NTSR1: variants seen among roughly 807,000 people sequenced by gnomAD.
NTSR1 encodes the protein neurotensin receptor type 1.
A neutral mutation model predicts 31.2 loss-of-function variants in NTSR1; 29 were observed. The ratio of observed to expected loss-of-function variants is 0.93; its 90% CI spans 0.69 to 1.27. The LOEUF is 1.27. NTSR1 is among the 50% of genes most tolerant of loss of function. The pLI is 0.00. For synonymous variants in NTSR1, 282 were observed against 269.9 expected (o/e 1.04, Z -0.44); for missense variants, 697 against 595.4 (o/e 1.17, Z -1.78).
rs531283415 is a variant in NTSR1, at chr20:62,745,284, G to C, written c.715-9401G>C. ...AGACATGGAGAGAGACACAGAGACA[G>C]AGAAACAGACACATAGAGGAAAACA... On this transcript the variant is annotated intron_variant, in intron 1 of 3. Coordinates refer to ENST00000370501, the MANE Select transcript of NTSR1 (RefSeq NM_002531.3). This position sits in a 1 kb window ranked among gnomAD's most constrained non-coding sequence, Gnocchi z 4.1. Among the ~76,000 whole-genome samples the C allele has an allele frequency of 1.3e-5, 2 of 152,104 alleles. No homozygotes were observed. Among genetic ancestry groups the C allele is most frequent in the Non-Finnish European group, 2.9e-5 (2 of 67,976 alleles).
At chr20:62,753,736 A>T (rs1336636290) in intron 1 of NTSR1, among the ~76,000 whole-genome samples, 1 of 152,228 alleles carries the variant, frequency 6.6e-6, no homozygotes, top group Non-Finnish European at 1.5e-5. Context: ...CTGTTATTCC[A>T]CTGCCCCAGG....
chr20:62,748,676 C>T (rs993863463), intron 1 of NTSR1, among the ~76,000 whole-genome samples: 1 of 152,144 alleles, frequency 6.6e-6, no homozygotes, highest in Non-Finnish European at 1.5e-5. Flanking sequence ...CCCTCCAAAT[C>T]TTATTAAAAC....
chr20:62,754,529 G>A (rs535266777), intron 1 of NTSR1, among the ~76,000 whole-genome samples, 156 bp from the exon 2 acceptor site: 4 of 152,070 alleles, frequency 2.6e-5, no homozygotes, highest in Admixed American at 1.3e-4. Context: ...CATGTCTTCC[G>A]GGCAGCCGGG....
intron 1 of NTSR1, among the ~76,000 whole-genome samples, chr20:62,753,419 G>A (rs1426181218): frequency 6.6e-6 from 1 of 152,220 alleles, no homozygotes; most frequent in Non-Finnish European, 1.5e-5. Context: ...AGGAGGTTGG[G>A]AGGGAGGTGG....
At chr20:62,730,463 A>G (rs1988984124) in intron 1 of NTSR1, among the ~76,000 whole-genome samples, 1 of 152,116 alleles carries the variant, frequency 6.6e-6, no homozygotes, top group Non-Finnish European at 1.5e-5. Context: ...ATATTCCATT[A>G]TCTGGATGTC....
At chr20:62,713,244 T>G (rs531409198) in intron 1 of NTSR1, among the ~76,000 whole-genome samples, 2 of 152,308 alleles carry the variant, frequency 1.3e-5, no homozygotes, top group African/African-American at 4.8e-5. Flanking sequence ...CTGAAAGCCT[T>G]CTTCATATTG....
chr20:62,719,234 G>A, intron 1 of NTSR1, among the ~76,000 whole-genome samples: 1 of 151,896 alleles, frequency 6.6e-6, no homozygotes. Flanking sequence ...TCTTCATCGT[G>A]AATGAATGTT....
intron 1 of NTSR1, among the ~76,000 whole-genome samples, chr20:62,750,966 C>T (rs1390409365): frequency 6.6e-6 from 1 of 152,200 alleles, no homozygotes; most frequent in Non-Finnish European, 1.5e-5. Context: ...GCCTCAAACT[C>T]CTGGGCTCAA....
rs1989641584 is a variant in NTSR1 at position 62,762,422 on chromosome 20, T to G, written c.*2155T>G. 2.0e-5 allele frequency: 3 copies of G among 150,066 alleles called. No homozygotes were observed. The highest frequency in any genetic ancestry group is 6.7e-5 in the Admixed American group (1 of 14,878). 9.3% of individuals were successfully genotyped at this position (150,066 alleles called of 1,614,324 possible). On this transcript the variant is annotated 3_prime_UTR_variant, in exon 4 of 4. Transcript: ENST00000370501. The stretch of plus-strand genomic sequence containing the variant: ...CTAGACCCTCGGTAGACGTGGGGTC[T>G]CTGGGGCGGGGTCTGTGGCTGTGAC...
chr20:62,759,107 T>G (rs1600739566), intron 3 of NTSR1, among the ~76,000 whole-genome samples: 1 of 152,278 alleles, frequency 6.6e-6, no homozygotes, highest in South Asian at 2.1e-4. Context: ...TTCTGTGCAG[T>G]GGGGCTGCCA....
intron 1 of NTSR1, among the ~76,000 whole-genome samples, chr20:62,727,882 C>G (rs1988935910): frequency 6.6e-6 from 1 of 152,250 alleles, no homozygotes; most frequent in African/African-American, 2.4e-5. Context: ...GGCAAAGGGA[C>G]AGACCTGTGT....
chr20:62,731,884 C>T (rs1160096603), intron 1 of NTSR1, among the ~76,000 whole-genome samples: 3 of 152,122 alleles, frequency 2.0e-5, no homozygotes, highest in African/African-American at 4.8e-5. Flanking sequence ...TTTGGGAGGC[C>T]GAGGCGGGTG....
At chr20:62,734,741 G>A (rs528826892) in intron 1 of NTSR1, among the ~76,000 whole-genome samples, 31 of 152,364 alleles carry the variant, frequency 2.0e-4, no homozygotes, top group South Asian at 1.4e-3. Context: ...GAGTTAATGC[G>A]GAAAGGCGGT....
chr20:62,729,626 ATTTTTT>A (rs36003279), intron 1 of NTSR1, among the ~76,000 whole-genome samples: 3 of 122,788 alleles, frequency 2.4e-5, no homozygotes, highest in East Asian at 2.4e-4. Context: ...GGGGTTTCTA[ATTTTTT>A]TTTTTTTTTT....
intron 1 of NTSR1, among the ~76,000 whole-genome samples, chr20:62,740,675 C>T (rs958352225): frequency 6.6e-5 from 10 of 152,232 alleles, no homozygotes; most frequent in Admixed American, 1.3e-4. Flanking sequence ...GGATCCTTCC[C>T]GCTCAGATCC....
chr20:62,758,617 C>T lies in NTSR1; in HGVS notation c.1007+261C>T, dbSNP rs1003612269. On this transcript the variant is annotated intron_variant, in intron 3 of 3. Transcript: ENST00000370501. The surrounding 1 kb of genome is among the most constrained non-coding windows in gnomAD (Gnocchi z 4.5). The stretch of plus-strand genomic sequence containing the variant: ...AAGAGAGATGGCCCAGGCAGTTTCC[C>T]GAAGGTGAAAGAGAGACATCCCTGG... Among the ~76,000 whole-genome samples the T allele has an allele frequency of 5.3e-5, 8 of 152,066 alleles. No homozygotes were observed. Among genetic ancestry groups the T allele is most frequent in the African/African-American group, 1.7e-4 (7 of 41,396 alleles).
At chr20:62,750,017 T>C (rs1482913656) in intron 1 of NTSR1, among the ~76,000 whole-genome samples, 1 of 152,214 alleles carries the variant, frequency 6.6e-6, no homozygotes, top group Non-Finnish European at 1.5e-5. Context: ...GCTGCGGCAC[T>C]GTTCACAATC....
intron 1 of NTSR1, among the ~76,000 whole-genome samples, chr20:62,751,332 T>C (rs988838346): frequency 2.6e-5 from 4 of 152,254 alleles, no homozygotes; most frequent in African/African-American, 9.6e-5. Context: ...TGGAATTTTT[T>C]TGGGGTAAGA....
rs1988612113 is a variant in NTSR1 at position 62,711,485 on chromosome 20, G to A, written c.714+1564G>A. ...CGACAGCCACTCAGTCCTTCAGAAGGTGGGCAGTGGAGGGGTCAGCGCTGT... is the reference window on the plus strand; with the variant it reads ...CGACAGCCACTCAGTCCTTCAGAAGATGGGCAGTGGAGGGGTCAGCGCTGT... On this transcript the variant is annotated intron_variant, in intron 1 of 3. Transcript: ENST00000370501. The surrounding 1 kb of genome is among the most constrained non-coding windows in gnomAD (Gnocchi z 6.4). Among the ~76,000 whole-genome samples, 1 of 152,094 alleles carries A rather than the reference G, an allele frequency of 6.6e-6. No individual in the cohort carries two copies. The highest frequency in any genetic ancestry group is 1.5e-5 in the Non-Finnish European group (1 of 68,006).
Sources: allele counts gnomAD v4.1 joint callset (sites outside exome capture counted in the v4.1 genomes callset), GRCh38; gene constraint gnomAD v4.1.1; non-coding constraint Gnocchi (gnomAD v3.1); transcripts MANE v1.5; gene names NCBI Gene and HGNC (gene_info 2026-07-23, HGNC 2026-07-21).